The following ESF1 variants were observed in gnomAD, a reference collection of about 807,000 sequenced individuals.
ESF1 encodes the protein ESF1 nucleolar pre-rRNA processing protein, also known as ESF1 homolog.
ESF1 carries 58 observed loss-of-function variants against 92.0 expected under a neutral mutation model. The ratio of observed to expected loss-of-function variants is 0.63; its 90% CI spans 0.51 to 0.78. The LOEUF (loss-of-function observed/expected upper bound fraction) is 0.78, where lower values mean the gene tolerates loss of function less well. ESF1 is among the 30% of genes least tolerant of loss of function. The pLI is 0.00. For synonymous variants in ESF1, 321 were observed against 313.7 expected, an observed-to-expected ratio of 1.02 and a Z score of -0.24; for missense variants, 922 against 989.1, an observed-to-expected ratio of 0.93 and a Z score of 0.91.
At chr20:13,720,516 C>T (rs2049860831) in intron 11 of ESF1, among the ~76,000 whole-genome samples, 2 of 152,090 alleles carry the variant, frequency 1.3e-5, no homozygotes, top group Admixed American at 1.3e-4. Flanking sequence ...ATATAGTGGA[C>T]CGAGTGGCAA....
rs201934981 is a variant in ESF1, at chr20:13,714,945, A to T, written c.2485T>A (p.Ser829Thr). Residue 829 changes from serine (S) to threonine (T), a missense_variant, in exon 14 of 14, where the codon TCA becomes ACA. Ser to Thr is a moderately conservative substitution (Grantham distance 58, BLOSUM62 1). Coordinates refer to ENST00000617257, the MANE Select transcript of ESF1 (RefSeq NM_001276380.2). ...GTTTTTATAGATTTAATCAACATTG[A>T]CAAAGCAGGATCAATGGACTTCCTT... is the stretch of plus-strand genomic sequence containing the variant. ...SQRKSIDPALSMLIKSIKTKT... is the reference protein window; with the variant it reads ...SQRKSIDPALTMLIKSIKTKT... 6 of 1,613,730 alleles carry T rather than the reference A, an allele frequency of 3.7e-6. No homozygotes were observed. Among genetic ancestry groups the T allele is most frequent in the Non-Finnish European group, 5.1e-6 (6 of 1,179,866 alleles).
chr20:13,728,463 A>T lies in ESF1; in HGVS notation c.1953T>A (p.Ala651=). 6.2e-7 allele frequency: 1 copy of T among 1,603,092 alleles called. No individual in the cohort carries two copies. The highest frequency in any genetic ancestry group is 8.5e-7 in the Non-Finnish European group (1 of 1,174,888). The change falls in exon 11 of 14, where the codon GCT becomes GCA. Residue 651 remains alanine, a splice_region_variant and synonymous_variant. Transcript: ENST00000617257. ...EKKRLKRKQK[A]LAEEASEEEL... is the part of the protein sequence containing the mutation. The stretch of plus-strand genomic sequence containing the variant: ...CCTCTTCACTGGCCTCTTCAGCAAG[A>T]GCCTTAAAAGTTGAATATAAAAATA...
rs1794886738 is a variant in ESF1, at chr20:13,728,430, G to A, written c.1986C>T (p.Pro662=). ...LAEEASEEEL[P]SDVDLNDPYF... ...ATGGGTCATTCAAATCAACATCAGA[G>A]GGAAGTTCCTCTTCACTGGCCTCTT... Residue 662 remains proline (P), a synonymous_variant, in exon 11 of 14, where the codon CCC becomes CCT. Coordinates refer to ENST00000617257, the MANE Select transcript of ESF1 (RefSeq NM_001276380.2). 6.2e-7 allele frequency: 1 copy of A among 1,612,938 alleles called. No homozygotes were observed. The highest frequency in any genetic ancestry group is 8.5e-7 in the Non-Finnish European group (1 of 1,179,514).
chr20:13,748,472 A>C (rs1978391432), intron 9 of ESF1, among the ~76,000 whole-genome samples: 1 of 144,720 alleles, frequency 6.9e-6, no homozygotes, highest in Non-Finnish European at 1.5e-5. Context: ...ATATACACAT[A>C]TATACACATA....
At chr20:13,768,404 G>A (rs754786523) in intron 7 of ESF1, among the ~76,000 whole-genome samples, 5 of 152,106 alleles carry the variant, frequency 3.3e-5, no homozygotes, top group African/African-American at 1.2e-4. Flanking sequence ...CTAACATGGT[G>A]AAACCCCGTC....
In ESF1 at chr20:13,714,870, C is replaced by G. The variant is rs2049812219; in HGVS notation, c.*4G>C. On this transcript the variant is annotated 3_prime_UTR_variant, in exon 14 of 14. Transcript: ENST00000617257. ...TATTCAGTTCAAAAATAAGTAACAT[C>G]CAGTTATTTGACTTTTTGCTTTTTT... The G allele has an allele frequency of 1.9e-6, 3 of 1,589,494 alleles. No individual in the cohort carries two copies. The highest frequency in any genetic ancestry group is 2.2e-5 in the East Asian group (1 of 44,698).
chr20:13,748,583 TATATATATA>T (rs2147749423), intron 9 of ESF1, among the ~76,000 whole-genome samples: 1 of 69,244 alleles, frequency 1.4e-5, no homozygotes, highest in African/African-American at 5.5e-5. Context: ...TGTATATATA[TATATATATA>T]TTTTTTTTTT....
intron 6 of ESF1, among the ~76,000 whole-genome samples, chr20:13,770,650 C>T (rs1979642765): frequency 1.3e-5 from 2 of 152,094 alleles, no homozygotes; most frequent in Admixed American, 1.3e-4. Context: ...GCCCAGCTGG[C>T]TATATTGTAT....
chr20:13,762,302 T>A (rs958593813), intron 8 of ESF1, among the ~76,000 whole-genome samples: 3 of 152,208 alleles, frequency 2.0e-5, no homozygotes, highest in African/African-American at 7.2e-5. Context: ...AATTCATTTT[T>A]TTCCTGTTTG....
chr20:13,730,680 A>C (rs1175237618), intron 10 of ESF1, among the ~76,000 whole-genome samples: 1 of 151,486 alleles, frequency 6.6e-6, no homozygotes, highest in Non-Finnish European at 1.5e-5. Flanking sequence ...CACCGCACCC[A>C]GCCAGAACAA....
chr20:13,740,558 GA>G lies in ESF1; in HGVS notation c.1829-6717del, dbSNP rs200240652. ...CTACACATATTAAACAGGATTTCCA[GA>G]AGGAGAAAACAGAGAAGATTGGGAA... On this transcript the variant is annotated intron_variant, in intron 9 of 13. Transcript: ENST00000617257. Among the ~76,000 whole-genome samples, 23 of 152,300 alleles carry G rather than the reference GA, an allele frequency of 1.5e-4. No homozygotes were observed. In the East Asian group the frequency reaches 3.7e-3, roughly 24 times the overall value.
intron 11 of ESF1, among the ~76,000 whole-genome samples, chr20:13,724,767 T>A (rs538574159): frequency 1.3e-5 from 2 of 152,340 alleles, no homozygotes; most frequent in Admixed American, 6.5e-5. Context: ...TTTTGTAACA[T>A]GCTGAAAGTC....
intron 7 of ESF1, among the ~76,000 whole-genome samples, chr20:13,768,913 AG>A (rs202179080): frequency 0.028 from 4,097 of 145,586 alleles, 161 homozygotes; most frequent in Non-Finnish European, 0.039. Context: ...AAAAAAAAAA[AG>A]AAAGAAAGGA....
At chr20:13,751,645 G>A (rs1157588099) in intron 9 of ESF1, among the ~76,000 whole-genome samples, 1 of 152,180 alleles carries the variant, frequency 6.6e-6, no homozygotes, top group Non-Finnish European at 1.5e-5. Flanking sequence ...GAAACTACTA[G>A]TAGAAAAATA....
At chr20:13,763,259 A>G (rs1204154402) in intron 8 of ESF1, among the ~76,000 whole-genome samples, 1 of 152,218 alleles carries the variant, frequency 6.6e-6, no homozygotes, top group East Asian at 1.9e-4. Context: ...CTCATTTCAC[A>G]GCTATGGAAG....
chr20:13,775,511 T>A (rs1300593376), intron 3 of ESF1, among the ~76,000 whole-genome samples: 2 of 152,196 alleles, frequency 1.3e-5, no homozygotes, highest in African/African-American at 4.8e-5. Context: ...AACATGATCA[T>A]GAGCTGATTT....
At position 13,775,139 on chromosome 20, in the gene ESF1, A is replaced by C; in HGVS notation, c.1149+18T>G. 1 of 1,470,742 alleles carries C rather than the reference A, an allele frequency of 6.8e-7. No homozygotes were observed. Among genetic ancestry groups the C allele is most frequent in the Non-Finnish European group, 9.3e-7 (1 of 1,079,022 alleles). The allele number at this position is 1,470,742 out of a possible 1,614,324, so 91.1% of individuals were successfully genotyped here. ...AAATGCCTAGAAATATTTATTTCAA[A>C]ATGAAATCAATTCTCACCTTGACGG... is the stretch of plus-strand genomic sequence containing the variant. On this transcript the variant is annotated intron_variant, in intron 4 of 13. Transcript: ENST00000617257.
rs1373326378 is a variant in ESF1 at position 13,714,893 on chromosome 20, T to C, written c.2537A>G (p.Lys846Arg). The change falls in exon 14 of 14, where the codon AAA (lysine) becomes AGA (arginine). Residue 846 changes from lysine (K) to arginine (R), a missense_variant. Transcript: ENST00000617257. ...KTKTEQFQAR[K>R]KQKVK is the part of the protein sequence containing the mutation. The stretch of plus-strand genomic sequence containing the variant: ...ATCCAGTTATTTGACTTTTTGCTTT[T>C]TTCTTGCTTGAAACTGCTCTGTTTT... 19 of 1,597,404 alleles carry C rather than the reference T, an allele frequency of 1.2e-5. No individual in the cohort carries two copies. In the Admixed American group the frequency reaches 3.0e-4, roughly 25 times the overall value.
intron 6 of ESF1, among the ~76,000 whole-genome samples, chr20:13,770,265 A>ATTAG (rs1436508825): frequency 3.3e-5 from 5 of 152,244 alleles, no homozygotes; most frequent in Admixed American, 3.3e-4. Flanking sequence ...TATAGATAGA[A>ATTAG]ATCGTGCATT....
Sources: gnomAD v4.1 joint callset for allele counts (sites outside exome capture counted in the v4.1 genomes callset) on GRCh38, gnomAD v4.1.1 for gene constraint, MANE v1.5 for transcripts, NCBI Gene and HGNC (gene_info 2026-07-23, HGNC 2026-07-21) for gene names.